POU2F1: variants seen among roughly 807,000 people sequenced by gnomAD.
POU2F1 encodes the protein POU domain, class 2, transcription factor 1.
In POU2F1, 16 loss-of-function variants were observed where a neutral mutation model predicts 84.9. The ratio of observed to expected loss-of-function variants is 0.19; its 90% CI spans 0.13 to 0.29. The LOEUF is 0.29. Among genes scored for constraint, POU2F1 ranks in the 10% least tolerant of loss-of-function variants. POU2F1 has a pLI of 1.00. For synonymous variants in POU2F1, 368 were observed against 368.3 expected, an observed-to-expected ratio of 1.00 and a Z score of 0.01; for missense variants, 738 against 942.6, an observed-to-expected ratio of 0.78 and a Z score of 2.84.
intron 2 of POU2F1, among the ~76,000 whole-genome samples, chr1:167,345,417 T>C (rs1357149682): frequency 6.6e-6 from 1 of 152,218 alleles, no homozygotes; most frequent in Non-Finnish European, 1.5e-5. Context: ...AGGGATTTCC[T>C]TGTGATACAG....
chr1:167,300,987 C>T (rs1327314164), intron 1 of POU2F1, among the ~76,000 whole-genome samples: 8 of 152,176 alleles, frequency 5.3e-5, no homozygotes. Flanking sequence ...CCAGGCTGGT[C>T]TTGAACTCCT....
At chr1:167,274,776 A>G (rs72693615) in intron 1 of POU2F1, among the ~76,000 whole-genome samples, 1 of 152,204 alleles carries the variant, frequency 6.6e-6, no homozygotes, top group Non-Finnish European at 1.5e-5. Context: ...CATGAATTAT[A>G]GTAAAGTTAC....
intron 1 of POU2F1, among the ~76,000 whole-genome samples, chr1:167,279,047 G>A (rs1183629755): frequency 6.6e-6 from 1 of 152,156 alleles, no homozygotes; most frequent in Non-Finnish European, 1.5e-5. Context: ...CAGGATTGGT[G>A]TCTCCATGTT....
intron 2 of POU2F1, chr1:167,338,109 G>A: frequency 2.2e-6 from 1 of 456,938 alleles, no homozygotes; most frequent in Non-Finnish European, 4.4e-6. Flanking sequence ...GTTACACCAA[G>A]TGTGCCTGCC....
chr1:167,383,650 G>T, intron 7 of POU2F1: 2 of 463,644 alleles, frequency 4.3e-6, no homozygotes, highest in Non-Finnish European at 7.7e-6. Context: ...AGACATATCA[G>T]TTTTAATTTA....
At chr1:167,224,969 C>G (rs558376019) in intron 1 of POU2F1, among the ~76,000 whole-genome samples, 1 of 152,130 alleles carries the variant, frequency 6.6e-6, no homozygotes, top group Admixed American at 6.5e-5. Context: ...GCTGGGACTA[C>G]AGGCATGCGC....
In POU2F1 at chr1:167,412,037, C is replaced by T; in HGVS notation, c.1634C>T (p.Pro545Leu). 1 of 1,614,216 alleles carries T rather than the reference C, an allele frequency of 6.2e-7. No homozygotes were observed. The highest frequency in any genetic ancestry group is 1.7e-5 in the Admixed American group (1 of 60,024). The change falls in exon 14 of 16, where the codon CCC (proline) becomes CTC (leucine). Residue 545 changes from proline (P) to leucine (L), a missense_variant. By Grantham distance (98) the Pro-to-Leu change is moderately conservative. This residue lies in a region of POU2F1 where 319 missense variants were observed against 386.0 expected (regional missense o/e 0.83). Coordinates refer to ENST00000367866, the MANE Select transcript of POU2F1 (RefSeq NM_002697.4). ...CCAGCTTCCTCAGCAGTCACGTCCC[C>T]CTCTCTGAGTCCCTCCCCTTCTGCC... ...APPASSAVTS[P>L]SLSPSPSASA...
intron 3 of POU2F1, among the ~76,000 whole-genome samples, chr1:167,368,574 T>C (rs1353578831): frequency 6.6e-6 from 1 of 152,160 alleles, no homozygotes; most frequent in Admixed American, 6.5e-5. Flanking sequence ...TTTTATCTTC[T>C]TCAAATCTTT....
chr1:167,349,871 AT>A (rs1224570490), intron 2 of POU2F1, among the ~76,000 whole-genome samples: 7 of 152,228 alleles, frequency 4.6e-5, no homozygotes, highest in African/African-American at 1.4e-4. Context: ...AGTCTTGTGT[AT>A]ATGGGCGTAA....
intron 5 of POU2F1, among the ~76,000 whole-genome samples, chr1:167,373,838 C>T (rs144907820): frequency 3.0e-4 from 44 of 147,774 alleles, no homozygotes; most frequent in African/African-American, 8.0e-4. Context: ...TTTTTTCTTG[C>T]TTACTAGTTA....
chr1:167,347,543 G>A (rs541724814), intron 2 of POU2F1, among the ~76,000 whole-genome samples: 9 of 152,212 alleles, frequency 5.9e-5, no homozygotes, highest in South Asian at 2.1e-4. Flanking sequence ...GGTGAAATGC[G>A]TAACATAAAA....
At chr1:167,342,678 T>C (rs902926083) in intron 2 of POU2F1, among the ~76,000 whole-genome samples, 2 of 152,218 alleles carry the variant, frequency 1.3e-5, no homozygotes, top group Non-Finnish European at 2.9e-5. Flanking sequence ...AATATAGTTC[T>C]TGTTAAACCA....
In POU2F1 at chr1:167,274,776, A is replaced by C. The variant is rs72693615; in HGVS notation, c.61+53818A>C. ...GTTTTCTGGACAAACCATGAATTATAGTAAAGTTACGCTTTCTTGTAAATC... is the reference window on the plus strand; with the variant it reads ...GTTTTCTGGACAAACCATGAATTATCGTAAAGTTACGCTTTCTTGTAAATC... On this transcript the variant is annotated intron_variant, in intron 1 of 15. Transcript: ENST00000367866. Among the ~76,000 whole-genome samples, 842 of 152,322 alleles carry C rather than the reference A, an allele frequency of 5.5e-3. 3 individuals carry two copies. The highest frequency in any genetic ancestry group is 9.2e-3 in the Non-Finnish European group (627 of 68,026).
intron 7 of POU2F1, among the ~76,000 whole-genome samples, chr1:167,377,872 CAT>C (rs1660433955): frequency 6.6e-6 from 1 of 152,132 alleles, no homozygotes. Context: ...TCTTTGTGTA[CAT>C]ATGTACTGAA....
At chr1:167,314,678 G>A (rs1164742865) in intron 1 of POU2F1, among the ~76,000 whole-genome samples, 1 of 152,158 alleles carries the variant, frequency 6.6e-6, no homozygotes, top group Admixed American at 6.5e-5. Flanking sequence ...GGAGGCTGAG[G>A]TGGGAGGATT....
chr1:167,395,098 A>G (rs1413995637), intron 9 of POU2F1, among the ~76,000 whole-genome samples: 1 of 151,838 alleles, frequency 6.6e-6, no homozygotes, highest in Non-Finnish European at 1.5e-5. Context: ...AATCATTTAA[A>G]CTCCGTGAGC....
intron 1 of POU2F1, among the ~76,000 whole-genome samples, chr1:167,223,608 C>T (rs1029292568): frequency 1.3e-5 from 2 of 151,958 alleles, no homozygotes; most frequent in African/African-American, 4.8e-5. Flanking sequence ...GGACTTTGGT[C>T]TTCAGTTTAA....
chr1:167,272,658 G>A (rs1652457724), intron 1 of POU2F1, among the ~76,000 whole-genome samples: 1 of 152,100 alleles, frequency 6.6e-6, no homozygotes, highest in African/African-American at 2.4e-5. Flanking sequence ...CAGATCTTGT[G>A]AGAACTCACT....
rs558717107 is a variant in POU2F1 at position 167,239,767 on chromosome 1, A to T, written c.61+18809A>T. On this transcript the variant is annotated intron_variant, in intron 1 of 15. Transcript: ENST00000367866. ...GGTAGAAGGGCCAGATGGTGTTGGG[A>T]CAGTTGGCCGGCCATCCATTTGAAA... Among the ~76,000 whole-genome samples the T allele has an allele frequency of 1.4e-4, 22 of 152,284 alleles. No individual in the cohort carries two copies. In the South Asian group the frequency reaches 4.6e-3, roughly 32 times the overall value.
Sources: allele counts gnomAD v4.1 joint callset (sites outside exome capture counted in the v4.1 genomes callset), GRCh38; gene constraint gnomAD v4.1.1; regional missense constraint gnomAD v4.1.1; transcripts MANE v1.5; gene names NCBI Gene and HGNC (gene_info 2026-07-23, HGNC 2026-07-21).